Variants in CACNB2 observed in about 807,000 individuals in gnomAD.
CACNB2 encodes voltage-dependent L-type calcium channel subunit beta-2.
In CACNB2, 42 loss-of-function variants were observed where a neutral mutation model predicts 73.3. The observed-to-expected ratio is 0.57, with a 90% CI of 0.45 to 0.74. The LOEUF (loss-of-function observed/expected upper bound fraction) is 0.74. CACNB2 is among the 30% of genes least tolerant of loss of function. CACNB2 has a pLI of 0.00. For synonymous variants in CACNB2, 348 were observed against 310.3 expected (o/e 1.12, Z -1.28); for missense variants, 940 against 853.0 (o/e 1.10, Z -1.27).
chr10:18,186,432 A>G (rs1275858627), intron 2 of CACNB2, among the ~76,000 whole-genome samples: 3 of 151,146 alleles, frequency 2.0e-5, no homozygotes, highest in African/African-American at 7.3e-5. Flanking sequence ...AAAAAAAAAG[A>G]AAGAAAGAAA....
intron 2 of CACNB2, among the ~76,000 whole-genome samples, chr10:18,168,663 A>T (rs1343686313): frequency 6.6e-6 from 1 of 152,182 alleles, no homozygotes; most frequent in Non-Finnish European, 1.5e-5. Flanking sequence ...TCCACATTTT[A>T]CTGAAACATT....
chr10:18,178,176 G>A (rs1171206184), intron 2 of CACNB2, among the ~76,000 whole-genome samples: 1 of 152,118 alleles, frequency 6.6e-6, no homozygotes, highest in Non-Finnish European at 1.5e-5. Flanking sequence ...AGTATGATGC[G>A]ACTTTATCAT....
At chr10:18,415,349 C>T (rs1316247428) in intron 3 of CACNB2, among the ~76,000 whole-genome samples, 3 of 152,020 alleles carry the variant, frequency 2.0e-5, no homozygotes, top group Non-Finnish European at 1.5e-5. Flanking sequence ...GCCTGCAGTT[C>T]CAGCTACTCA....
In CACNB2 at chr10:18,540,577, C is replaced by T. The variant is rs920520634; in HGVS notation, c.*853C>T. ...TCCTTGTAAGTAAGTTTGTAATTTCCACCATAAATTATGGTAAATATAAAA... is the reference window on the plus strand; with the variant it reads ...TCCTTGTAAGTAAGTTTGTAATTTCTACCATAAATTATGGTAAATATAAAA... On this transcript the variant is annotated 3_prime_UTR_variant, in exon 14 of 14. Transcript: ENST00000324631. 2.0e-5 allele frequency: 3 copies of T among 152,468 alleles called. No homozygotes were observed. The highest frequency in any genetic ancestry group is 4.4e-5 in the Non-Finnish European group (3 of 68,024). 9.4% of individuals were successfully genotyped at this position (152,468 alleles called of 1,614,324 possible).
At chr10:18,465,047 C>T (rs2132705689) in intron 3 of CACNB2, among the ~76,000 whole-genome samples, 1 of 152,120 alleles carries the variant, frequency 6.6e-6, no homozygotes, top group South Asian at 2.1e-4. Context: ...AAACTAGAAA[C>T]AGCCGGGCAT....
intron 2 of CACNB2, among the ~76,000 whole-genome samples, chr10:18,361,625 T>C (rs564706131): frequency 6.6e-6 from 1 of 151,344 alleles, no homozygotes; most frequent in East Asian, 1.9e-4. Flanking sequence ...TTTTTTTTTT[T>C]TTTTCGAAAC....
rs2039048818 is a variant in CACNB2, at chr10:18,291,099, A to T, written c.214-110825A>T. On this transcript the variant is annotated intron_variant, in intron 2 of 13. Transcript: ENST00000324631. ...AGTGAGCTTCTGGAACTGCAGGGAGAGCGATAACCTACGTCGTGAGGCTGC... is the reference window on the plus strand; with the variant it reads ...AGTGAGCTTCTGGAACTGCAGGGAGTGCGATAACCTACGTCGTGAGGCTGC... Among the ~76,000 whole-genome samples the T allele has an allele frequency of 4.6e-5, 7 of 152,154 alleles. No homozygotes were observed. The South Asian group carries it at 1.5e-3, about 32-fold the overall frequency.
chr10:18,330,633 C>G (rs2040762213), intron 2 of CACNB2, among the ~76,000 whole-genome samples: 1 of 152,084 alleles, frequency 6.6e-6, no homozygotes, highest in South Asian at 2.1e-4. Context: ...AGAGCAAGAC[C>G]CTGTCTCCAA....
At chr10:18,496,924 G>C (rs2049865342) in intron 3 of CACNB2, among the ~76,000 whole-genome samples, 1 of 148,952 alleles carries the variant, frequency 6.7e-6, no homozygotes, top group South Asian at 2.1e-4. Flanking sequence ...GAAATACATA[G>C]AAGAGGCCAG....
chr10:18,513,594 G>A (rs1298848566), intron 6 of CACNB2: 5 of 340,356 alleles, frequency 1.5e-5, no homozygotes, highest in Non-Finnish European at 2.9e-5. Flanking sequence ...ACTGCTTTAC[G>A]ACCCATTTTG....
At chr10:18,298,714 G>A (rs1363477051) in intron 2 of CACNB2, among the ~76,000 whole-genome samples, 1 of 152,202 alleles carries the variant, frequency 6.6e-6, no homozygotes, top group East Asian at 1.9e-4. Context: ...GCAGGTCACC[G>A]GACCTTTCAG....
At chr10:18,310,670 A>G (rs1589008813) in intron 2 of CACNB2, among the ~76,000 whole-genome samples, 1 of 144,686 alleles carries the variant, frequency 6.9e-6, no homozygotes, top group Non-Finnish European at 1.5e-5. Flanking sequence ...AAACCCACCC[A>G]CTGGGTTCGA....
intron 2 of CACNB2, among the ~76,000 whole-genome samples, chr10:18,315,520 A>AC (rs1564429275): frequency 3.8e-5 from 5 of 130,698 alleles, no homozygotes; most frequent in Middle Eastern, 3.5e-3. Context: ...AAAAAAAAAA[A>AC]AAAAAAAACT....
intron 3 of CACNB2, among the ~76,000 whole-genome samples, chr10:18,419,652 A>T (rs541075438): frequency 1.3e-5 from 2 of 152,346 alleles, no homozygotes; most frequent in South Asian, 4.1e-4. Context: ...TGAATGTCAC[A>T]TGGGAAAGAA....
At chr10:18,399,430 A>G (rs2043878365) in intron 2 of CACNB2, among the ~76,000 whole-genome samples, 1 of 152,226 alleles carries the variant, frequency 6.6e-6, no homozygotes, top group South Asian at 2.1e-4. Flanking sequence ...TTGAGGTACA[A>G]CTGATCACTA....
At chr10:18,395,896 G>A (rs937859018) in intron 2 of CACNB2, among the ~76,000 whole-genome samples, 3 of 152,056 alleles carry the variant, frequency 2.0e-5, no homozygotes, top group African/African-American at 7.2e-5. Flanking sequence ...CCGCATCTTG[G>A]CACGCTATGT....
chr10:18,432,134 A>AG (rs1195140536), intron 3 of CACNB2, among the ~76,000 whole-genome samples: 3 of 152,196 alleles, frequency 2.0e-5, no homozygotes, highest in African/African-American at 4.8e-5. Context: ...TCCAAGTCTT[A>AG]GAGGGGAGGA....
At chr10:18,309,317 C>T (rs1291933340) in intron 2 of CACNB2, among the ~76,000 whole-genome samples, 2 of 152,102 alleles carry the variant, frequency 1.3e-5, no homozygotes, top group African/African-American at 4.8e-5. Context: ...CACCAGACTG[C>T]CAAGAATTTT....
chr10:18,534,017 A>G, intron 10 of CACNB2, 59 bp from the exon 11 acceptor site: 1 of 1,544,390 alleles, frequency 6.5e-7, no homozygotes, highest in Non-Finnish European at 9.0e-7. Context: ...GAAACAGTAT[A>G]CCATTTTACT....
Sources: allele counts gnomAD v4.1 joint callset (sites outside exome capture counted in the v4.1 genomes callset), GRCh38; gene constraint gnomAD v4.1.1; transcripts MANE v1.5; gene names NCBI Gene and HGNC (gene_info 2026-07-23, HGNC 2026-07-21).